PROC: variants seen among roughly 807,000 people sequenced by gnomAD.
The protein encoded by PROC is vitamin K-dependent protein C.
In PROC, 22 loss-of-function variants were observed where a neutral mutation model predicts 36.3. That is an observed-to-expected ratio of 0.61 (90% CI 0.43 to 0.86). The LOEUF is 0.86. Among genes scored for constraint, PROC ranks in the 40% least tolerant of loss-of-function variants. The pLI is 0.00. For synonymous variants in PROC, 218 were observed against 244.5 expected (o/e 0.89, Z 1.01); for missense variants, 526 against 629.7 (o/e 0.84, Z 1.76).
In PROC at chr2:127,428,349, C is replaced by T. The variant is rs762028284; in HGVS notation, c.797-8C>T. The T allele has an allele frequency of 6.2e-6, 10 of 1,613,432 alleles. No homozygotes were observed. Among genetic ancestry groups the T allele is most frequent in the Non-Finnish European group, 8.5e-6 (10 of 1,179,830 alleles). On this transcript the variant is annotated splice_polypyrimidine_tract_variant and splice_region_variant and intron_variant, in intron 8 of 8. Coordinates refer to ENST00000234071, the MANE Select transcript of PROC (RefSeq NM_000312.4). ...CAGCCCACTCTGACTGTGCCCTCTGCCCTGCAGGAGAGTATGACCTGCGGC... is the reference window on the plus strand; with the variant it reads ...CAGCCCACTCTGACTGTGCCCTCTGTCCTGCAGGAGAGTATGACCTGCGGC...
intron 1 of PROC, 37 bp from the exon 2 acceptor site, chr2:127,419,885 G>C (rs371995306): frequency 6.2e-7 from 1 of 1,613,410 alleles, no homozygotes; most frequent in Non-Finnish European, 8.5e-7. Flanking sequence ...GCAGCAGCGG[G>C]GGTAGGCACT....
Position 127,429,109 on chromosome 2 carries a change from A to G in PROC, c.*163A>G. On this transcript the variant is annotated 3_prime_UTR_variant, in exon 9 of 9. Coordinates refer to ENST00000234071, the MANE Select transcript of PROC (RefSeq NM_000312.4). Reference sequence around the variant, plus strand: ...GCACCTGTTGTATGTCACATGCCTTATGAATAGAATCTTAACTCCTAGAGC... The same window carrying G: ...GCACCTGTTGTATGTCACATGCCTTGTGAATAGAATCTTAACTCCTAGAGC... 1.3e-6 allele frequency: 1 copy of G among 777,360 alleles called. No individual in the cohort carries two copies. The highest frequency in any genetic ancestry group is 2.1e-6 in the Non-Finnish European group (1 of 483,068). The allele number at this position is 777,360 out of a possible 1,614,324, so 48.2% of individuals were successfully genotyped here. A position where few individuals can be genotyped will look rare whatever the true frequency, so the allele number is the denominator to read the frequency against.
chr2:127,423,121 G>T lies in PROC; in HGVS notation c.350G>T (p.Ser117Ile). Reference sequence around the variant, plus strand: ...GGCACGTGCATCGACGGCATCGGCAGCTTCAGCTGCGACTGCCGCAGCGGC... The same window carrying T: ...GGCACGTGCATCGACGGCATCGGCATCTTCAGCTGCGACTGCCGCAGCGGC... ...GHGTCIDGIG[S>I]FSCDCRSGWE... The change falls in exon 5 of 9, where the codon AGC becomes ATC. Residue 117 changes from serine to isoleucine, a missense_variant. Ser to Ile is a moderately radical substitution (Grantham distance 142). Transcript: ENST00000234071. 1 of 1,606,672 alleles carries T rather than the reference G, an allele frequency of 6.2e-7. No homozygotes were observed. Among genetic ancestry groups the T allele is most frequent in the Non-Finnish European group, 8.5e-7 (1 of 1,176,778 alleles).
intron 6 of PROC, among the ~76,000 whole-genome samples, chr2:127,424,117 A>T (rs975044512): frequency 2.6e-5 from 4 of 151,892 alleles, no homozygotes; most frequent in African/African-American, 9.7e-5. Context: ...ACCTCCCATT[A>T]TTCAGACCTC....
intron 3 of PROC, among the ~76,000 whole-genome samples, chr2:127,422,261 C>T (rs1156747516): frequency 6.6e-6 from 1 of 152,236 alleles, no homozygotes. Flanking sequence ...CCCTGGCAGA[C>T]GCCACAGTGA....
At chr2:127,419,114 A>AC (rs1455031027) in intron 1 of PROC, among the ~76,000 whole-genome samples, 1 of 151,904 alleles carries the variant, frequency 6.6e-6, no homozygotes, top group Non-Finnish European at 1.5e-5. Context: ...GTGAGACCCT[A>AC]CTCCTGGAGG....
rs1004554881 is a variant in PROC, at chr2:127,426,664, G to T, written c.678+437G>T. The T allele has an allele frequency of 3.0e-6, 1 of 328,704 alleles. No homozygotes were observed. The highest frequency in any genetic ancestry group is 7.7e-5 in the East Asian group (1 of 13,068). The allele number at this position is 328,704 out of a possible 1,614,324, so 20.4% of individuals were successfully genotyped here. ...ACCAACAAGTGGGAGTATTTGCCCT[G>T]GGGACTCAGACTCTGCAAGGGTCAG... On this transcript the variant is annotated intron_variant, in intron 7 of 8. Transcript: ENST00000234071. This position sits in a 1 kb window ranked among gnomAD's most constrained non-coding sequence, Gnocchi z 7.0.
rs1321566264 is a variant in PROC, at chr2:127,428,522, C to T, written c.962C>T (p.Pro321Leu). The T allele has an allele frequency of 5.6e-6, 9 of 1,613,898 alleles. No individual in the cohort carries two copies. The highest frequency in any genetic ancestry group is 2.7e-5 in the African/African-American group (2 of 74,952). Residue 321 changes from proline to leucine, a missense_variant, in exon 9 of 9, where the codon CCG (proline) becomes CTG (leucine). Pro to Leu is a moderately conservative substitution (Grantham distance 98). Transcript: ENST00000234071. ...LSQTIVPICL[P>L]DSGLAERELN... ...CAGACCATAGTGCCCATCTGCCTCC[C>T]GGACAGCGGCCTTGCAGAGCGCGAG... is the stretch of plus-strand genomic sequence containing the variant.
intron 6 of PROC, 167 bp downstream of exon 6, chr2:127,423,575 T>A: frequency 3.4e-6 from 3 of 888,322 alleles, no homozygotes; most frequent in Non-Finnish European, 4.8e-6. Flanking sequence ...GGGGCCACTG[T>A]TAGCGCAATC....
Position 127,426,350 on chromosome 2 carries a change from A to G in PROC, c.678+123A>G. On this transcript the variant is annotated intron_variant, in intron 7 of 8. Coordinates refer to ENST00000234071, the MANE Select transcript of PROC (RefSeq NM_000312.4). The surrounding 1 kb of genome is among the most constrained non-coding windows in gnomAD (Gnocchi z 7.0). ...GCGCTGCCATTGCGTTTGGGGGATG[A>G]TGAAGGTGGGGGATGCTTCAGGGAA... 1 of 1,343,754 alleles carries G rather than the reference A, an allele frequency of 7.4e-7. No homozygotes were observed. The highest frequency in any genetic ancestry group is 1.0e-6 in the Non-Finnish European group (1 of 974,310). The allele number at this position is 1,343,754 out of a possible 1,614,324, so 83.2% of individuals were successfully genotyped here.
chr2:127,419,907 A>C lies in PROC; in HGVS notation c.-21-15A>C. ...CGGGGGTAGGCACTGCCCGGAGCTCAGAAGTCCTCCTCAGACAGGTGCCAG... is the reference window on the plus strand; with the variant it reads ...CGGGGGTAGGCACTGCCCGGAGCTCCGAAGTCCTCCTCAGACAGGTGCCAG... On this transcript the variant is annotated splice_polypyrimidine_tract_variant and intron_variant, in intron 1 of 8. Coordinates refer to ENST00000234071, the MANE Select transcript of PROC (RefSeq NM_000312.4). The C allele has an allele frequency of 6.2e-7, 1 of 1,613,882 alleles. No individual in the cohort carries two copies. The highest frequency in any genetic ancestry group is 8.5e-7 in the Non-Finnish European group (1 of 1,179,966).
intron 3 of PROC, among the ~76,000 whole-genome samples, chr2:127,422,314 G>C (rs1688145838): frequency 6.6e-6 from 1 of 152,188 alleles, no homozygotes; most frequent in African/African-American, 2.4e-5. Context: ...TCCCCACCGT[G>C]CTCCCACCTC....
In PROC at chr2:127,423,386, C is replaced by T; in HGVS notation, c.513C>T (p.Asp171=). Residue 171 remains aspartate (D), a synonymous_variant, in exon 6 of 9, where the codon GAC becomes GAT. Transcript: ENST00000234071. ...SCAPGYKLGD[D]LLQCHPAVKF... ...CGCCTGGCTACAAGCTGGGGGACGA[C>T]CTCCTGCAGTGTCACCCCGCAGGTG... is the stretch of plus-strand genomic sequence containing the variant. 6.4e-7 allele frequency: 1 copy of T among 1,550,442 alleles called. No homozygotes were observed. Among genetic ancestry groups the T allele is most frequent in the Non-Finnish European group, 8.7e-7 (1 of 1,147,214 alleles).
At position 127,428,380 on chromosome 2, in the gene PROC, G is replaced by T. The variant is rs563901001; in HGVS notation, c.820G>T (p.Glu274Ter). The change falls in exon 9 of 9, where the codon GAG becomes TAG. Residue 274 changes from glutamate (E) to a stop codon, truncating the protein, a stop_gained. Transcript: ENST00000234071. LOFTEE classifies it low-confidence loss of function (END_TRUNC). ...RLGEYDLRRW[E>*]KWELDLDIKE... ...AGGAGAGTATGACCTGCGGCGCTGGGAGAAGTGGGAGCTGGACCTGGACAT... is the reference window on the plus strand; with the variant it reads ...AGGAGAGTATGACCTGCGGCGCTGGTAGAAGTGGGAGCTGGACCTGGACAT... 6.2e-7 allele frequency: 1 copy of T among 1,614,088 alleles called. No individual in the cohort carries two copies. The highest frequency in any genetic ancestry group is 1.3e-5 in the African/African-American group (1 of 75,070).
chr2:127,424,533 A>G (rs1180189543), intron 6 of PROC, among the ~76,000 whole-genome samples: 9 of 152,092 alleles, frequency 5.9e-5, no homozygotes, highest in African/African-American at 2.2e-4. Flanking sequence ...TTATAATTCA[A>G]TTCTTCTGCA....
chr2:127,425,735 A>G (rs1199009104), intron 6 of PROC, among the ~76,000 whole-genome samples: 2 of 151,132 alleles, frequency 1.3e-5, no homozygotes, highest in Admixed American at 6.6e-5. Flanking sequence ...TGACTGACTG[A>G]CTGACTGGAG....
rs373028935 is a variant in PROC at position 127,428,724 on chromosome 2, G to C, written c.1164G>C (p.Ala388=). 5.0e-6 allele frequency: 8 copies of C among 1,613,532 alleles called. No homozygotes were observed. The highest frequency in any genetic ancestry group is 6.8e-6 in the Non-Finnish European group (8 of 1,180,036). ...TGGTGTCTGAGAACATGCTGTGTGC[G>C]GGCATCCTCGGGGACCGGCAGGATG... ...SNMVSENMLC[A]GILGDRQDAC... Residue 388 remains alanine, a synonymous_variant, in exon 9 of 9, where the codon GCG becomes GCC. Coordinates refer to ENST00000234071, the MANE Select transcript of PROC (RefSeq NM_000312.4).
At chr2:127,427,582 G>A (rs962227513) in intron 8 of PROC, among the ~76,000 whole-genome samples, 1 of 152,170 alleles carries the variant, frequency 6.6e-6, no homozygotes, top group Admixed American at 6.5e-5. Flanking sequence ...TGGCCTCAGG[G>A]CTGTGCCTCC....
intron 6 of PROC, among the ~76,000 whole-genome samples, chr2:127,424,898 C>T (rs968813406): frequency 5.3e-5 from 8 of 152,232 alleles, no homozygotes; most frequent in South Asian, 2.1e-4. Flanking sequence ...GGATGGAAGA[C>T]GCTCACCCAT....
Sources: allele counts gnomAD v4.1 joint callset (sites outside exome capture counted in the v4.1 genomes callset), GRCh38; gene constraint gnomAD v4.1.1; non-coding constraint Gnocchi (gnomAD v3.1); transcripts MANE v1.5; gene names NCBI Gene and HGNC (gene_info 2026-07-23, HGNC 2026-07-21).